The following ARSB variants were observed in gnomAD, a reference collection of about 807,000 sequenced individuals.
The protein encoded by ARSB is N-acetylgalactosamine-4-sulfatase.
ARSB carries 41 observed loss-of-function variants against 50.9 expected under a neutral mutation model. The ratio of observed to expected loss-of-function variants is 0.81; its 90% CI spans 0.63 to 1.04. ARSB has a LOEUF of 1.04. Ranked by LOEUF, ARSB falls within the 50% of genes least tolerant of loss-of-function variation. ARSB has a pLI of 0.00. For missense variants in ARSB, 672 were observed against 693.3 expected, an observed-to-expected ratio of 0.97 and a Z score of 0.35; for synonymous variants, 269 against 284.8, an observed-to-expected ratio of 0.94 and a Z score of 0.56.
intron 5 of ARSB, among the ~76,000 whole-genome samples, chr5:78,875,725 C>T (rs1048843353): frequency 2.0e-5 from 3 of 151,572 alleles, no homozygotes; most frequent in South Asian, 2.1e-4. Context: ...TGAAGTGCAG[C>T]GGCGCAATCT....
intron 5 of ARSB, among the ~76,000 whole-genome samples, chr5:78,881,798 T>A (rs1747759041): frequency 6.6e-6 from 1 of 152,256 alleles, no homozygotes; most frequent in Non-Finnish European, 1.5e-5. Flanking sequence ...GGGGCCACCC[T>A]TGGCCCTCCG....
At chr5:78,944,001 T>C (rs1751077199) in intron 4 of ARSB, among the ~76,000 whole-genome samples, 1 of 152,228 alleles carries the variant, frequency 6.6e-6, no homozygotes, top group Non-Finnish European at 1.5e-5. Flanking sequence ...TTCTCTAAAC[T>C]TCTCTTCTCA....
At chr5:78,792,765 C>A (rs1032662913) in intron 6 of ARSB, among the ~76,000 whole-genome samples, 13 of 152,098 alleles carry the variant, frequency 8.5e-5, no homozygotes, top group African/African-American at 2.4e-4. Context: ...ACCAACTGAC[C>A]AACTGAAAGA....
At chr5:78,869,858 A>T (rs1467288921) in intron 5 of ARSB, among the ~76,000 whole-genome samples, 9 of 150,060 alleles carry the variant, frequency 6.0e-5, no homozygotes, top group South Asian at 2.2e-4. Flanking sequence ...CCCTTCAAAA[A>T]ATCAATGAAT....
chr5:78,953,652 C>T (rs1751579987), intron 4 of ARSB, among the ~76,000 whole-genome samples: 1 of 152,132 alleles, frequency 6.6e-6, no homozygotes, highest in Non-Finnish European at 1.5e-5. Flanking sequence ...TACAGTAAAA[C>T]TCACCAGATG....
intron 1 of ARSB, among the ~76,000 whole-genome samples, chr5:78,978,350 AAAC>A (rs1418283346): frequency 6.6e-6 from 1 of 151,820 alleles, no homozygotes; most frequent in Non-Finnish European, 1.5e-5. Context: ...AAAAAAAAAA[AAAC>A]CCTCTAAATA....
intron 4 of ARSB, among the ~76,000 whole-genome samples, chr5:78,925,454 G>A (rs1223184551): frequency 2.0e-5 from 3 of 152,074 alleles, no homozygotes; most frequent in African/African-American, 4.8e-5. Context: ...CTTTGCCTCC[G>A]AGAAGCTAGC....
rs558273620 is a variant in ARSB at position 78,783,147 on chromosome 5, G to A, written c.1214-1173C>T. On this transcript the variant is annotated intron_variant, in intron 6 of 7. Transcript: ENST00000264914. The stretch of plus-strand genomic sequence containing the variant: ...ATTTATCTGTTAGCTTTTCAAATAT[G>A]GTCACAGCAATCATCTTGGGATCAC... Among the ~76,000 whole-genome samples the A allele has an allele frequency of 5.3e-5, 8 of 152,162 alleles. No homozygotes were observed. The East Asian group carries it at 1.5e-3, about 29-fold the overall frequency.
chr5:78,985,423 C>A (rs1186030354), upstream of ARSB: 12 of 522,678 alleles, frequency 2.3e-5, no homozygotes, highest in East Asian at 1.8e-4. Flanking sequence ...CCCGGGCCCC[C>A]GGCTGCTGTG....
chr5:78,833,728 G>A (rs1440376761), intron 6 of ARSB, among the ~76,000 whole-genome samples: 1 of 152,262 alleles, frequency 6.6e-6, no homozygotes, highest in Non-Finnish European at 1.5e-5. Flanking sequence ...AGCCAGGCCA[G>A]AGGCAAAGGC....
intron 6 of ARSB, chr5:78,815,705 G>A: frequency 9.4e-7 from 1 of 1,059,792 alleles, no homozygotes; most frequent in East Asian, 7.5e-5. Flanking sequence ...CCATATTACT[G>A]TAAGACAAGT....
At chr5:78,832,902 A>C (rs973872562) in intron 6 of ARSB, among the ~76,000 whole-genome samples, 1 of 152,108 alleles carries the variant, frequency 6.6e-6, no homozygotes, top group African/African-American at 2.4e-5. Context: ...CGTTTTAAAT[A>C]TATACACCTA....
intron 6 of ARSB, among the ~76,000 whole-genome samples, chr5:78,833,064 T>C (rs936851449): frequency 9.2e-5 from 14 of 152,318 alleles, no homozygotes; most frequent in African/African-American, 3.4e-4. Context: ...ATGTTTTTCC[T>C]CAGGCAAAAT....
intron 2 of ARSB, among the ~76,000 whole-genome samples, chr5:78,968,446 C>A (rs1752305544): frequency 6.6e-6 from 1 of 151,746 alleles, no homozygotes; most frequent in Admixed American, 6.6e-5. Context: ...CTCCTGGGTT[C>A]ATGCCCATTC....
At chr5:78,821,650 T>A (rs71634932) in intron 6 of ARSB, among the ~76,000 whole-genome samples, 6,594 of 152,312 alleles carry the variant, frequency 0.043, 202 homozygotes, top group South Asian at 0.11. Flanking sequence ...TCAGTCAAGT[T>A]ACAATTTTGT....
intron 4 of ARSB, among the ~76,000 whole-genome samples, chr5:78,929,792 C>CA (rs11355138): frequency 1.6e-3 from 173 of 106,570 alleles, no homozygotes; most frequent in South Asian, 2.2e-3. Flanking sequence ...GACTCTGTCT[C>CA]AAAAAAAAAA....
intron 6 of ARSB, chr5:78,816,103 A>G: frequency 1.2e-6 from 2 of 1,614,152 alleles, no homozygotes; most frequent in Non-Finnish European, 1.7e-6. Flanking sequence ...AGCAGCGAGC[A>G]CTCAGGCCAG....
chr5:78,937,577 C>A (rs1350633575), intron 4 of ARSB, among the ~76,000 whole-genome samples: 1 of 150,802 alleles, frequency 6.6e-6, no homozygotes, highest in Admixed American at 6.6e-5. Context: ...ATAATATCAA[C>A]AATAAGACAT....
chr5:78,839,306 T>C (rs1436916509), intron 6 of ARSB, 50 bp downstream of exon 6: 1 of 1,558,768 alleles, frequency 6.4e-7, no homozygotes, highest in Non-Finnish European at 8.8e-7. Flanking sequence ...AATCAAACCA[T>C]CTTGGTGGGC....
Sources: allele counts gnomAD v4.1 joint callset (sites outside exome capture counted in the v4.1 genomes callset), GRCh38; gene constraint gnomAD v4.1.1; transcripts MANE v1.5; gene names NCBI Gene and HGNC (gene_info 2026-07-23, HGNC 2026-07-21).